The following TRPM1 variants were observed in gnomAD, a reference collection of about 807,000 sequenced individuals.
TRPM1 encodes the protein transient receptor potential cation channel subfamily M member 1, also known as TRPM1-203 APA Isoform, Intron 10.
A neutral mutation model predicts 149.4 loss-of-function variants in TRPM1; 113 were observed. The observed-to-expected ratio is 0.76, with a 90% confidence interval of 0.65 to 0.88. The LOEUF (loss-of-function observed/expected upper bound fraction) is 0.88. Among genes scored for constraint, TRPM1 ranks in the 40% least tolerant of loss-of-function variants. TRPM1 has a pLI of 0.00. For synonymous variants in TRPM1, 741 were observed against 759.5 expected, an observed-to-expected ratio of 0.98 and a Z score of 0.40; for missense variants, 1,976 against 2,038.7, an observed-to-expected ratio of 0.97 and a Z score of 0.59.
intron 27 of TRPM1, among the ~76,000 whole-genome samples, chr15:31,007,225 C>T (rs2032022546): frequency 6.6e-6 from 1 of 152,072 alleles, no homozygotes; most frequent in African/African-American, 2.4e-5. Context: ...TCAAACTGTC[C>T]TAACACCATT....
chr15:31,091,650 G>A (rs1463563773), intron 1 of TRPM1, among the ~76,000 whole-genome samples: 1 of 152,102 alleles, frequency 6.6e-6, no homozygotes, highest in African/African-American at 2.4e-5. Flanking sequence ...GGTGGTGAGG[G>A]CGGGAGAACC....
intron 8 of TRPM1, 132 bp from the exon 9 acceptor site, chr15:31,062,834 C>T: frequency 8.8e-7 from 1 of 1,130,106 alleles, no homozygotes; most frequent in Non-Finnish European, 1.3e-6. Context: ...CAAAAAGTAA[C>T]CATAGTCAAA....
intron 1 of TRPM1, among the ~76,000 whole-genome samples, chr15:31,111,921 C>A (rs961132024): frequency 3.9e-5 from 6 of 152,164 alleles, no homozygotes; most frequent in African/African-American, 1.4e-4. Context: ...TTGGCTGTAC[C>A]TAGTAAATCG....
At chr15:31,080,813 C>T (rs1032917766) in intron 2 of TRPM1, among the ~76,000 whole-genome samples, 1 of 151,954 alleles carries the variant, frequency 6.6e-6, no homozygotes, top group Non-Finnish European at 1.5e-5. Context: ...ATAAGAAACC[C>T]GCGCTGGGGC....
intron 1 of TRPM1, among the ~76,000 whole-genome samples, chr15:31,149,468 C>A (rs973297903): frequency 1.3e-5 from 2 of 151,732 alleles, no homozygotes; most frequent in African/African-American, 4.8e-5. Flanking sequence ...AAACTGGGAG[C>A]TGCCTGGGTC....
At chr15:31,047,041 G>A in intron 15 of TRPM1, 70 bp downstream of exon 15, 2 of 1,607,444 alleles carry the variant, frequency 1.2e-6, no homozygotes, top group South Asian at 2.2e-5. Context: ...CGGCCAAGTT[G>A]TTGAAAAGCA....
chr15:31,028,601 A>AT (rs2032906391), intron 24 of TRPM1, 125 bp from the exon 25 acceptor site: 15 of 1,244,564 alleles, frequency 1.2e-5, no homozygotes, highest in Non-Finnish European at 1.7e-5. Context: ...CATAAGCAAT[A>AT]TTTTTTCCAT....
intron 1 of TRPM1, among the ~76,000 whole-genome samples, chr15:31,158,356 G>A (rs1342020602): frequency 1.3e-5 from 2 of 152,042 alleles, no homozygotes; most frequent in African/African-American, 2.4e-5. Context: ...GGCTGGGCTC[G>A]GTGGCTCACG....
intron 27 of TRPM1, among the ~76,000 whole-genome samples, chr15:31,017,993 T>C (rs188407560): frequency 1.3e-5 from 2 of 152,238 alleles, no homozygotes; most frequent in African/African-American, 2.4e-5. Flanking sequence ...TGGAGTTCTG[T>C]AGTAAGCCAG....
intron 3 of TRPM1, among the ~76,000 whole-genome samples, chr15:31,071,980 C>CCAT (rs1448196967): frequency 2.6e-5 from 2 of 77,286 alleles, no homozygotes; most frequent in African/African-American, 1.3e-4. Flanking sequence ...AAAAAAAAAA[C>CCAT]ATATATATAT....
intron 1 of TRPM1, among the ~76,000 whole-genome samples, chr15:31,121,956 G>A (rs991697827): frequency 6.6e-6 from 1 of 152,112 alleles, no homozygotes; most frequent in Non-Finnish European, 1.5e-5. Flanking sequence ...TGTATGAAAT[G>A]TATAAAGAAC....
chr15:31,037,778 C>T lies in TRPM1; in HGVS notation c.2504G>A (p.Ser835Asn), dbSNP rs1017458724. 2 of 1,614,090 alleles carry T rather than the reference C, an allele frequency of 1.2e-6. No individual in the cohort carries two copies. Among genetic ancestry groups the T allele is most frequent in the Non-Finnish European group, 1.7e-6 (2 of 1,180,052 alleles). ...ACAGATCTTTGTTCCGATGGGAATA[C>T]TTCTCTGTTTTTTGTGCTCGTTCTC... ...DEENEHKKQR[S>N]IPIGTKICEF... The change falls in exon 20 of 28, where the codon AGT (serine) becomes AAT (asparagine). Residue 835 changes from serine (S) to asparagine (N), a missense_variant. Physicochemically the swap from Ser to Asn is conservative, Grantham distance 46. Around this residue, in one of 3 missense-constraint regions of TRPM1, gnomAD observed 1,332 missense variants for 1,347.1 expected, o/e 0.99. Transcript: ENST00000256552.
At chr15:31,097,075 C>T (rs8040406) in intron 1 of TRPM1, among the ~76,000 whole-genome samples, 57,339 of 152,148 alleles carry the variant, frequency 0.38, 11,406 homozygotes, top group East Asian at 0.81. Flanking sequence ...GAATGATCCA[C>T]ATTCATGAAA....
Position 31,001,857 on chromosome 15 carries a change from T to TA in TRPM1, c.4842dup (p.Lys1615Ter). ...GTTTCTGTGGAAGCTTTCTCTTTCT[T>TA]AACCTTTTTTTCTTCTGCTGTCATT... On this transcript the variant is annotated frameshift_variant, in exon 28 of 28. Transcript: ENST00000256552. LOFTEE classifies it high-confidence loss of function. 6.2e-7 allele frequency: 1 copy of TA among 1,613,444 alleles called. No homozygotes were observed. Among genetic ancestry groups the TA allele is most frequent in the Non-Finnish European group, 8.5e-7 (1 of 1,180,016 alleles).
At chr15:31,055,630 G>A (rs569600408) in intron 11 of TRPM1, among the ~76,000 whole-genome samples, 6 of 152,282 alleles carry the variant, frequency 3.9e-5, no homozygotes, top group African/African-American at 1.4e-4. Context: ...TAAAAACTGG[G>A]AGGATGTCTG....
intron 27 of TRPM1, among the ~76,000 whole-genome samples, chr15:31,007,319 A>G (rs1361112134): frequency 6.6e-6 from 1 of 151,538 alleles, no homozygotes; most frequent in Admixed American, 6.6e-5. Context: ...GGGTAGATCT[A>G]CTCCCGGACT....
chr15:31,159,093 G>A (rs1292932169), intron 1 of TRPM1, among the ~76,000 whole-genome samples: 1 of 152,170 alleles, frequency 6.6e-6, no homozygotes, highest in Non-Finnish European at 1.5e-5. Flanking sequence ...CTCAGATAGG[G>A]GGAGGAGGTC....
At chr15:31,027,623 C>A (rs2140902285) in intron 25 of TRPM1, among the ~76,000 whole-genome samples, 1 of 152,200 alleles carries the variant, frequency 6.6e-6, no homozygotes, top group South Asian at 2.1e-4. Flanking sequence ...CATTGTCTAC[C>A]AATACTGGGA....
intron 1 of TRPM1, among the ~76,000 whole-genome samples, chr15:31,126,967 A>AAAACAAACAAACAAACAAACAAAC (rs71420550): frequency 1.3e-4 from 19 of 150,560 alleles, no homozygotes; most frequent in Non-Finnish European, 1.8e-4. Flanking sequence ...ATCCTGTCTC[A>AAAACAAACAAACAAACAAACAAAC]AAACAAACAA....
Sources: allele counts gnomAD v4.1 joint callset (sites outside exome capture counted in the v4.1 genomes callset), GRCh38; gene constraint gnomAD v4.1.1; regional missense constraint gnomAD v4.1.1; transcripts MANE v1.5; gene names NCBI Gene and HGNC (gene_info 2026-07-23, HGNC 2026-07-21).